Variants in SACS observed in about 807,000 individuals in gnomAD.
The protein encoded by SACS is sacsin.
In SACS, 197 loss-of-function variants were observed where a neutral mutation model predicts 348.0. The observed-to-expected ratio is 0.57, with a 90% CI of 0.50 to 0.64. The LOEUF (loss-of-function observed/expected upper bound fraction) is 0.64. Ranked by LOEUF, SACS falls within the 30% of genes least tolerant of loss-of-function variation. SACS has a pLI of 0.00. For missense variants in SACS, 4,999 were observed against 5,360.8 expected (o/e 0.93, Z 2.11); for synonymous variants, 1,985 against 1,910.6 (o/e 1.04, Z -1.02).
chr13:23,352,060 C>T (rs1455374391), intron 9 of SACS, among the ~76,000 whole-genome samples: 1 of 152,124 alleles, frequency 6.6e-6, no homozygotes, highest in Non-Finnish European at 1.5e-5. Context: ...AAGTTGTAGC[C>T]ACACTCTGTG....
intron 2 of SACS, among the ~76,000 whole-genome samples, chr13:23,384,364 C>T (rs1872185447): frequency 1.3e-5 from 2 of 152,236 alleles, no homozygotes; most frequent in African/African-American, 4.8e-5. Context: ...CTGTGTTCCA[C>T]ATCATTCACT....
chr13:23,418,950 A>C (rs565029359), intron 1 of SACS: 2 of 152,418 alleles, frequency 1.3e-5, no homozygotes, highest in South Asian at 4.2e-4. Context: ...GCCCTCTTGC[A>C]CACGTGGTGC....
chr13:23,335,735 G>A lies in SACS; in HGVS notation c.8141C>T (p.Ser2714Leu), dbSNP rs762610527. The change falls in exon 10 of 10, where the codon TCG (serine) becomes TTG (leucine). Residue 2714 changes from serine (S) to leucine (L), a missense_variant. Transcript: ENST00000382292. This position sits in a 1 kb window ranked among gnomAD's most constrained non-coding sequence, Gnocchi z 4.7. ...NAEMAKVSEI[S>L]SVPASDRMVQ... The stretch of plus-strand genomic sequence containing the variant: ...CATTCTGTCTGATGCTGGAACAGAC[G>A]AAATTTCCGAAACTTTTGCCATTTC... 25 of 1,613,864 alleles carry A rather than the reference G, an allele frequency of 1.5e-5. No homozygotes were observed. The highest frequency in any genetic ancestry group is 5.0e-5 in the Admixed American group (3 of 59,986).
rs1348124068 is a variant in SACS at position 23,329,971 on chromosome 13, G to T, written c.*165C>A. On this transcript the variant is annotated 3_prime_UTR_variant, in exon 10 of 10. Coordinates refer to ENST00000382292, the MANE Select transcript of SACS (RefSeq NM_014363.6). ...TAGTTTTCTTTTAGATTCAGTTAAG[G>T]TTTTCCGTTGGTATTCATGTTCATA... 1 of 666,986 alleles carries T rather than the reference G, an allele frequency of 1.5e-6. No individual in the cohort carries two copies. The highest frequency in any genetic ancestry group is 2.5e-6 in the Non-Finnish European group (1 of 393,238). 41.3% of individuals were successfully genotyped at this position (666,986 alleles called of 1,614,324 possible).
At position 23,333,687 on chromosome 13, in the gene SACS, G is replaced by A; in HGVS notation, c.10189C>T (p.His3397Tyr). The A allele has an allele frequency of 6.2e-7, 1 of 1,613,678 alleles. No homozygotes were observed. Among genetic ancestry groups the A allele is most frequent in the Non-Finnish European group, 8.5e-7 (1 of 1,179,690 alleles). The stretch of plus-strand genomic sequence containing the variant: ...TTTATATCATCTTGGGACATCAAAT[G>A]ATTCAAATTGCAGTTGAAATACATC... ...LLMYFNCNLNHLMSQDDIKIL... is the reference protein window; with the variant it reads ...LLMYFNCNLNYLMSQDDIKIL... Residue 3397 changes from histidine to tyrosine, a missense_variant, in exon 10 of 10, where the codon CAT becomes TAT. Coordinates refer to ENST00000382292, the MANE Select transcript of SACS (RefSeq NM_014363.6).
At chr13:23,362,782 C>T (rs549376283) in intron 6 of SACS, among the ~76,000 whole-genome samples, 5 of 152,004 alleles carry the variant, frequency 3.3e-5, no homozygotes, top group South Asian at 2.1e-4. Flanking sequence ...AACAGGGTTT[C>T]GCCATGTTGA....
chr13:23,424,130 G>C (rs1874063232), intron 1 of SACS, among the ~76,000 whole-genome samples: 1 of 152,190 alleles, frequency 6.6e-6, no homozygotes, highest in African/African-American at 2.4e-5. Flanking sequence ...CTAGAAACAA[G>C]CTATGTGTGA....
At chr13:23,342,028 C>A (rs1162380186) in intron 9 of SACS, among the ~76,000 whole-genome samples, 1 of 151,888 alleles carries the variant, frequency 6.6e-6, no homozygotes, top group African/African-American at 2.4e-5. Context: ...ACCTCGTGAC[C>A]CACCCGCCTT....
In SACS at chr13:23,335,281, A is replaced by G. The variant is rs1224538498; in HGVS notation, c.8595T>C (p.His2865=). Residue 2865 remains histidine (H), a synonymous_variant, in exon 10 of 10, where the codon CAT becomes CAC. Transcript: ENST00000382292. The surrounding 1 kb of genome is among the most constrained non-coding windows in gnomAD (Gnocchi z 4.7). ...AAAGAGGCAAAAAACAGAAGGCCCT[A>G]TGGGGTTTTTTATAGTTGTGAGTAA... is the stretch of plus-strand genomic sequence containing the variant. ...ACITHNYKKP[H]RAFCFLPLSL... 1 of 1,613,914 alleles carries G rather than the reference A, an allele frequency of 6.2e-7. No homozygotes were observed. Among genetic ancestry groups the G allele is most frequent in the Non-Finnish European group, 8.5e-7 (1 of 1,179,862 alleles).
intron 2 of SACS, among the ~76,000 whole-genome samples, chr13:23,407,555 C>T (rs188461431): frequency 8.5e-5 from 13 of 152,202 alleles, no homozygotes; most frequent in Non-Finnish European, 1.6e-4. Context: ...CAGCAAATAT[C>T]CTCTATCACC....
At chr13:23,386,139 G>A (rs1354500564) in intron 2 of SACS, among the ~76,000 whole-genome samples, 1 of 152,210 alleles carries the variant, frequency 6.6e-6, no homozygotes, top group Admixed American at 6.5e-5. Flanking sequence ...TTAGTCACCA[G>A]CTGCATTAGC....
chr13:23,423,409 A>G (rs1874035020), intron 1 of SACS, among the ~76,000 whole-genome samples: 1 of 152,184 alleles, frequency 6.6e-6, no homozygotes, highest in Non-Finnish European at 1.5e-5. Flanking sequence ...GTATGAATAT[A>G]CAACTATCTA....
intron 3 of SACS, among the ~76,000 whole-genome samples, chr13:23,374,801 G>C (rs1464934243): frequency 1.3e-5 from 2 of 151,774 alleles, no homozygotes; most frequent in African/African-American, 4.8e-5. Context: ...TACATAAATA[G>C]AAATAAATGA....
In SACS at chr13:23,337,016, T is replaced by C. The variant is rs1402772630; in HGVS notation, c.6860A>G (p.Lys2287Arg). Residue 2287 changes from lysine to arginine, a missense_variant, in exon 10 of 10, where the codon AAG becomes AGG. Physicochemically the swap from Lys to Arg is conservative, Grantham distance 26 (BLOSUM62 2). This residue lies in a region of SACS where 3,156 missense variants were observed against 3,380.1 expected (regional missense o/e 0.93). Coordinates refer to ENST00000382292, the MANE Select transcript of SACS (RefSeq NM_014363.6). ...GTTTATAACCAGATCAACTGTTGGC[T>C]TCTTGAGTAATCCCAAAAACTCTTT... ...AVKEFLGLLK[K>R]PTVDLVINQL... 13 of 1,614,018 alleles carry C rather than the reference T, an allele frequency of 8.1e-6. No individual in the cohort carries two copies. In the East Asian group the frequency reaches 1.1e-4, roughly 14 times the overall value.
intron 2 of SACS, among the ~76,000 whole-genome samples, chr13:23,377,158 T>C (rs994277973): frequency 6.6e-6 from 1 of 152,124 alleles, no homozygotes; most frequent in African/African-American, 2.4e-5. Context: ...GCAGTGCTAA[T>C]GGGTGTGGGG....
intron 1 of SACS, among the ~76,000 whole-genome samples, chr13:23,424,327 A>T (rs1315671829): frequency 6.6e-6 from 1 of 152,160 alleles, no homozygotes; most frequent in Admixed American, 6.5e-5. Flanking sequence ...GGAGTTCGAG[A>T]GCAGCCTGGC....
rs1183250811 is a variant in SACS at position 23,331,032 on chromosome 13, C to G, written c.12844G>C (p.Gly4282Arg). ...GAAGAAGTCTTGTGGCTCTCTCTACCAGAGAAAAGAGGAGGAATGCTTCTC... is the reference window on the plus strand; with the variant it reads ...GAAGAAGTCTTGTGGCTCTCTCTACGAGAGAAAAGAGGAGGAATGCTTCTC... ...GLRSIPPLFS[G>R]RESHKTSSKH... Residue 4282 changes from glycine (G) to arginine (R), a missense_variant, in exon 10 of 10, where the codon GGT (glycine) becomes CGT (arginine). Coordinates refer to ENST00000382292, the MANE Select transcript of SACS (RefSeq NM_014363.6). The G allele has an allele frequency of 1.9e-6, 3 of 1,613,898 alleles. No homozygotes were observed. The highest frequency in any genetic ancestry group is 2.5e-6 in the Non-Finnish European group (3 of 1,179,968).
chr13:23,382,700 C>A (rs1253465076), intron 2 of SACS, among the ~76,000 whole-genome samples: 1 of 151,624 alleles, frequency 6.6e-6, no homozygotes, highest in African/African-American at 2.4e-5. Flanking sequence ...AAGTAATTTA[C>A]ATAAAGAACT....
intron 2 of SACS, among the ~76,000 whole-genome samples, chr13:23,382,768 TTGTG>T (rs535047063): frequency 6.6e-6 from 1 of 150,924 alleles, no homozygotes; most frequent in Non-Finnish European, 1.5e-5. Flanking sequence ...TTGTTTTGTT[TTGTG>T]TGTGTGTGTG....
Sources: gnomAD v4.1 joint callset for allele counts (sites outside exome capture counted in the v4.1 genomes callset) on GRCh38, gnomAD v4.1.1 for gene constraint, gnomAD v4.1.1 regional missense constraint, Gnocchi (gnomAD v3.1) non-coding constraint, MANE v1.5 for transcripts, NCBI Gene and HGNC (gene_info 2026-07-23, HGNC 2026-07-21) for gene names.